The following SOX5 variants were observed in gnomAD, a reference collection of about 807,000 sequenced individuals.
The protein encoded by SOX5 is SRY-box transcription factor 5, also known as transcription factor SOX-5.
In SOX5, 9 loss-of-function variants were observed where a neutral mutation model predicts 92.0. The observed-to-expected ratio is 0.10, with a 90% CI of 0.06 to 0.17. The LOEUF is 0.17. SOX5 is among the 10% of genes least tolerant of loss of function. SOX5 has a pLI of 1.00. For missense variants in SOX5, 642 were observed against 944.5 expected, an observed-to-expected ratio of 0.68 and a Z score of 4.20; for synonymous variants, 344 against 336.3, an observed-to-expected ratio of 1.02 and a Z score of -0.25.
intron 3 of SOX5, among the ~76,000 whole-genome samples, chr12:24,255,430 C>T (rs368653724): frequency 6.6e-6 from 1 of 152,112 alleles, no homozygotes; most frequent in African/African-American, 2.4e-5. Context: ...TTTAGCAAAC[C>T]TTTAAGTACT....
chr12:24,300,970 T>C (rs1335084065), intron 2 of SOX5, among the ~76,000 whole-genome samples: 3 of 152,250 alleles, frequency 2.0e-5, no homozygotes, highest in Admixed American at 1.3e-4. Context: ...GAAAACCTTC[T>C]TCTTCTACCA....
At chr12:24,499,228 T>TCCC (rs1406591613) in intron 1 of SOX5, among the ~76,000 whole-genome samples, 2 of 152,170 alleles carry the variant, frequency 1.3e-5, no homozygotes, top group African/African-American at 2.4e-5. Flanking sequence ...TTTGTGTCCA[T>TCCC]CCCCATCGTC....
chr12:23,794,403 A>T (rs1458598568), intron 3 of SOX5, among the ~76,000 whole-genome samples: 3 of 152,168 alleles, frequency 2.0e-5, no homozygotes, highest in Non-Finnish European at 4.4e-5. Context: ...CTTGTAGTCT[A>T]GCAGCTACTA....
At chr12:23,782,734 A>G (rs570097968) in intron 3 of SOX5, among the ~76,000 whole-genome samples, 1 of 152,178 alleles carries the variant, frequency 6.6e-6, no homozygotes, top group South Asian at 2.1e-4. Flanking sequence ...ACAGGAAGAG[A>G]AATGTTTGTC....
At chr12:23,839,992 A>G (rs1462466602) in intron 3 of SOX5, among the ~76,000 whole-genome samples, 1 of 13,620 alleles carries the variant, frequency 7.3e-5, no homozygotes, top group Non-Finnish European at 2.4e-4. Context: ...CAAGAAGACA[A>G]AAAAAAAAAA....
At chr12:23,785,179 C>T (rs1325296902) in intron 3 of SOX5, among the ~76,000 whole-genome samples, 1 of 152,164 alleles carries the variant, frequency 6.6e-6, no homozygotes, top group Non-Finnish European at 1.5e-5. Flanking sequence ...AATTTATTTA[C>T]CATTAATGAC....
At chr12:23,624,495 C>A (rs1363344456) in intron 8 of SOX5, among the ~76,000 whole-genome samples, 1 of 152,126 alleles carries the variant, frequency 6.6e-6, no homozygotes, top group East Asian at 1.9e-4. Flanking sequence ...AGAGAGAAAA[C>A]CAAGTGTTTA....
intron 1 of SOX5, among the ~76,000 whole-genome samples, chr12:24,421,485 T>C (rs976144284): frequency 3.9e-5 from 6 of 152,230 alleles, no homozygotes; most frequent in Admixed American, 2.6e-4. Flanking sequence ...TCCATACTTA[T>C]AAGAATAATG....
chr12:23,713,544 T>C (rs1042801179), intron 6 of SOX5, among the ~76,000 whole-genome samples: 1 of 152,008 alleles, frequency 6.6e-6, no homozygotes, highest in Non-Finnish European at 1.5e-5. Flanking sequence ...ATTTGTGGGA[T>C]GTTGATTCTG....
At chr12:23,873,916 T>C (rs952021877) in intron 2 of SOX5, among the ~76,000 whole-genome samples, 1 of 152,192 alleles carries the variant, frequency 6.6e-6, no homozygotes, top group Admixed American at 6.5e-5. Flanking sequence ...ACTTTGATTA[T>C]AAAAAACTCA....
intron 4 of SOX5, 34 bp from the exon 5 acceptor site, chr12:23,741,073 A>T: frequency 6.7e-7 from 1 of 1,494,914 alleles, no homozygotes; most frequent in Admixed American, 2.2e-5. Flanking sequence ...CAGACAAAAT[A>T]AATGAAAAAA....
At chr12:23,764,213 T>C (rs1369538265) in intron 3 of SOX5, among the ~76,000 whole-genome samples, 2 of 152,092 alleles carry the variant, frequency 1.3e-5, no homozygotes, top group Non-Finnish European at 2.9e-5. Context: ...CAACAAAAGA[T>C]TTTCATGACT....
intron 1 of SOX5, among the ~76,000 whole-genome samples, chr12:24,380,880 G>A (rs907886705): frequency 6.6e-6 from 1 of 152,152 alleles, no homozygotes; most frequent in Non-Finnish European, 1.5e-5. Context: ...ATTTCTAACT[G>A]TATTCTGCAA....
chr12:24,162,848 T>C (rs71450418), intron 4 of SOX5, among the ~76,000 whole-genome samples: 7,085 of 152,060 alleles, frequency 0.047, 174 homozygotes, highest in South Asian at 0.081. Context: ...AGCTAAGGAG[T>C]CACTGCCTGG....
chr12:24,254,371 CCAT>C (rs1164824663), intron 3 of SOX5, among the ~76,000 whole-genome samples: 2 of 150,040 alleles, frequency 1.3e-5, no homozygotes, highest in Non-Finnish European at 3.0e-5. Flanking sequence ...CCTCACAAAC[CCAT>C]TGTAAGTTGT....
chr12:24,341,748 C>G (rs374837959), intron 2 of SOX5, among the ~76,000 whole-genome samples: 1 of 152,088 alleles, frequency 6.6e-6, no homozygotes, highest in Non-Finnish European at 1.5e-5. Context: ...CTTCTCTGTC[C>G]GCTTCAGGAA....
intron 4 of SOX5, among the ~76,000 whole-genome samples, chr12:24,046,050 C>A (rs1486541223): frequency 2.6e-5 from 4 of 152,154 alleles, no homozygotes; most frequent in Non-Finnish European, 5.9e-5. Flanking sequence ...TTGGCTCAGT[C>A]CCTTGACAGG....
intron 1 of SOX5, among the ~76,000 whole-genome samples, chr12:23,922,776 T>A (rs1938709403): frequency 6.6e-6 from 1 of 152,182 alleles, no homozygotes; most frequent in Non-Finnish European, 1.5e-5. Context: ...GTGCTTGGCA[T>A]GAGGAAATAA....
chr12:23,985,787 T>C (rs2136209802), intron 4 of SOX5, among the ~76,000 whole-genome samples: 1 of 151,616 alleles, frequency 6.6e-6, no homozygotes, highest in South Asian at 2.1e-4. Flanking sequence ...TGGTCAGAAG[T>C]CCAAAATGGG....
Sources: allele counts gnomAD v4.1 joint callset (sites outside exome capture counted in the v4.1 genomes callset), GRCh38; gene constraint gnomAD v4.1.1; transcripts MANE v1.5; gene names NCBI Gene and HGNC (gene_info 2026-07-23, HGNC 2026-07-21).